KIF4A: variants seen among roughly 807,000 people sequenced by gnomAD.
KIF4A encodes the protein chromosome-associated kinesin KIF4A.
KIF4A carries 7 observed loss-of-function variants against 105.9 expected under a neutral mutation model. The observed-to-expected ratio is 0.07, with a 90% CI of 0.04 to 0.12. The LOEUF (loss-of-function observed/expected upper bound fraction) is 0.12, where lower values mean the gene tolerates loss of function less well. KIF4A is among the 10% of genes least tolerant of loss of function. The pLI, the probability that KIF4A is intolerant of heterozygous loss-of-function variation, is 1.00. For missense variants in KIF4A, 558 were observed against 929.2 expected (o/e 0.60, Z 5.19); for synonymous variants, 281 against 331.3 (o/e 0.85, Z 1.65).
At chrX:70,338,823 T>C (rs1250497633) in intron 10 of KIF4A, among the ~76,000 whole-genome samples, 1 of 111,658 alleles carries the variant, frequency 9.0e-6, no homozygotes, top group Non-Finnish European at 1.9e-5. Context: ...CGGTGGCTCA[T>C]GCCTGTAACC....
intron 15 of KIF4A, among the ~76,000 whole-genome samples, chrX:70,369,069 T>A (rs1356002899): frequency 8.9e-6 from 1 of 112,570 alleles, no homozygotes; most frequent in African/African-American, 3.2e-5. Flanking sequence ...TACAATCTTC[T>A]GGTGTGCCAT....
chrX:70,339,831 A>G (rs1444376121), intron 10 of KIF4A, among the ~76,000 whole-genome samples: 1 of 112,111 alleles, frequency 8.9e-6, no homozygotes, highest in Non-Finnish European at 1.9e-5. Flanking sequence ...ATAGCATGTG[A>G]AAACATTGGT....
chrX:70,306,468 T>A (rs1303197236), intron 7 of KIF4A, among the ~76,000 whole-genome samples: 1 of 112,730 alleles, frequency 8.9e-6, no homozygotes. Flanking sequence ...ATATTAAGTC[T>A]TTCAATGTAT....
chrX:70,311,839 A>G (rs2085851045), intron 7 of KIF4A, among the ~76,000 whole-genome samples: 1 of 108,806 alleles, frequency 9.2e-6, no homozygotes, highest in Admixed American at 9.9e-5. Context: ...GGTGGCATAT[A>G]CCTGTAGTCC....
At chrX:70,303,989 G>T (rs2085814838) in intron 7 of KIF4A, among the ~76,000 whole-genome samples, 1 of 99,271 alleles carries the variant, frequency 1.0e-5, no homozygotes. Context: ...TGCACAATGT[G>T]CAGGTTAGTT....
chrX:70,359,034 G>C (rs1165909552), intron 15 of KIF4A, among the ~76,000 whole-genome samples: 2 of 111,777 alleles, frequency 1.8e-5, no homozygotes, highest in African/African-American at 6.5e-5. Flanking sequence ...TGGCTCTGTG[G>C]TACATATTGG....
chrX:70,338,462 G>A (rs957024789), intron 10 of KIF4A, among the ~76,000 whole-genome samples: 4 of 112,142 alleles, frequency 3.6e-5, no homozygotes, highest in Admixed American at 9.4e-5. Flanking sequence ...GTTCATCCAT[G>A]TTATAGCACG....
chrX:70,377,134 G>A (rs1032842608), intron 18 of KIF4A, among the ~76,000 whole-genome samples: 6 of 111,107 alleles, frequency 5.4e-5, no homozygotes, highest in Non-Finnish European at 1.1e-4. Context: ...GTACAGTGGT[G>A]CAATCATAGC....
chrX:70,388,077 C>T (rs1042214202), intron 20 of KIF4A, among the ~76,000 whole-genome samples: 1 of 110,982 alleles, frequency 9.0e-6, no homozygotes, highest in Admixed American at 9.7e-5. Flanking sequence ...TCTTTATATC[C>T]CCACAGTGGT....
At chrX:70,383,021 C>T (rs2086203550) in intron 18 of KIF4A, among the ~76,000 whole-genome samples, 1 of 109,947 alleles carries the variant, frequency 9.1e-6, no homozygotes, top group South Asian at 3.9e-4. Flanking sequence ...CCCGTCTCCA[C>T]TAAAAATGCA....
chrX:70,389,768 G>T (rs187184483), intron 20 of KIF4A, among the ~76,000 whole-genome samples: 1 of 111,722 alleles, frequency 9.0e-6, no homozygotes, highest in Non-Finnish European at 1.9e-5. Context: ...ATACCAAAAA[G>T]TCTTGAATGC....
chrX:70,305,163 T>A (rs998031027), intron 7 of KIF4A, among the ~76,000 whole-genome samples: 14 of 110,932 alleles, frequency 1.3e-4, no homozygotes, highest in Admixed American at 8.7e-4. Context: ...AACTTTTTTT[T>A]TAAAAGAATA....
At chrX:70,328,941 G>A (rs1417173870) in intron 7 of KIF4A, among the ~76,000 whole-genome samples, 3 of 111,531 alleles carry the variant, frequency 2.7e-5, no homozygotes, top group Non-Finnish European at 1.9e-5. Flanking sequence ...AGAATCTCAG[G>A]CCTACCATTT....
intron 7 of KIF4A, among the ~76,000 whole-genome samples, chrX:70,313,694 A>G: frequency 8.9e-6 from 1 of 112,158 alleles, no homozygotes; most frequent in East Asian, 2.8e-4. Context: ...ATCTGCTTTC[A>G]GTCTCTCAAG....
chrX:70,373,763 T>C (rs187209132), intron 15 of KIF4A, among the ~76,000 whole-genome samples: 4 of 72,142 alleles, frequency 5.5e-5, no homozygotes, highest in Admixed American at 2.1e-4. Flanking sequence ...TATATATATA[T>C]ACGTATATAT....
In KIF4A at chrX:70,330,325, A is replaced by C. The variant is rs1470573737; in HGVS notation, c.1064A>C (p.Lys355Thr). ...DPQTAELNHL[K>T]QQVQQLQVLL... is the part of the protein sequence containing the mutation. ...CAGACAGCTGAACTTAATCATCTAA[A>C]GCAACAGGTATAAGGGACTTAAAGT... is the stretch of plus-strand genomic sequence containing the variant. Residue 355 changes from lysine to threonine, a missense_variant, in exon 9 of 31, where the codon AAG becomes ACG. By Grantham distance (78) the Lys-to-Thr change is moderately conservative. Transcript: ENST00000374403. 6 of 1,206,193 alleles carry C rather than the reference A, an allele frequency of 5.0e-6. No homozygotes were observed. In the Admixed American group the frequency reaches 1.1e-4, roughly 22 times the overall value.
chrX:70,373,741 T>C (rs1248052802), intron 15 of KIF4A, among the ~76,000 whole-genome samples: 1 of 63,465 alleles, frequency 1.6e-5, no homozygotes, highest in Admixed American at 2.2e-4. Flanking sequence ...TATATATACA[T>C]ATATACGTGT....
In KIF4A at chrX:70,402,634, G is replaced by A. The variant is rs746727117; in HGVS notation, c.2558G>A (p.Arg853His). The A allele has an allele frequency of 7.4e-6, 9 of 1,211,557 alleles. No individual in the cohort carries two copies. In the Admixed American group the frequency reaches 8.7e-5, roughly 12 times the overall value. The change falls in exon 23 of 31, where the codon CGC (arginine) becomes CAC (histidine). Residue 853 changes from arginine to histidine, a missense_variant. Coordinates refer to ENST00000374403, the MANE Select transcript of KIF4A (RefSeq NM_012310.5). ...GAAAGTGAAGACAGACCAAAACAAC[G>A]CTGGGAGAATATTGCCACCATTCTG... is the stretch of plus-strand genomic sequence containing the variant. ...DAESEDRPKQ[R>H]WENIATILEA...
chrX:70,376,300 G>T, intron 18 of KIF4A, 90 bp downstream of exon 18: 1 of 488,128 alleles, frequency 2.0e-6, no homozygotes, highest in Non-Finnish European at 3.5e-6. Flanking sequence ...AACACCTCGT[G>T]TCTCCAAAAG....
Sources: gnomAD v4.1 joint callset for allele counts (sites outside exome capture counted in the v4.1 genomes callset) on GRCh38, gnomAD v4.1.1 for gene constraint, MANE v1.5 for transcripts, NCBI Gene and HGNC (gene_info 2026-07-23, HGNC 2026-07-21) for gene names.